The following ABCA1 variants were observed in gnomAD, a reference collection of about 807,000 sequenced individuals.
The protein encoded by ABCA1 is ATP binding cassette subfamily A member 1.
A neutral mutation model predicts 262.5 loss-of-function variants in ABCA1; 133 were observed. That is an observed-to-expected ratio of 0.51 (90% confidence interval 0.44 to 0.59). The LOEUF (loss-of-function observed/expected upper bound fraction) is 0.59. Among genes scored for constraint, ABCA1 ranks in the 20% least tolerant of loss-of-function variants. The pLI is 0.00. For missense variants in ABCA1, 2,452 were observed against 2,777.5 expected, an observed-to-expected ratio of 0.88 and a Z score of 2.63; for synonymous variants, 1,022 against 1,043.5, an observed-to-expected ratio of 0.98 and a Z score of 0.40.
intron 5 of ABCA1, 108 bp downstream of exon 5, chr9:104,882,931 C>A: frequency 8.7e-7 from 1 of 1,152,494 alleles, no homozygotes; most frequent in South Asian, 1.2e-5. Flanking sequence ...AGAAAAACCC[C>A]TTGGGGAAGA....
intron 2 of ABCA1, among the ~76,000 whole-genome samples, chr9:104,900,186 G>A (rs1013366737): frequency 3.3e-5 from 5 of 152,112 alleles, no homozygotes; most frequent in African/African-American, 1.2e-4. Context: ...GCTCCAGGCT[G>A]AACATAGCGT....
rs1829123909 is a variant in ABCA1, at chr9:104,788,517, T to G, written c.5978A>C (p.Gln1993Pro). The change falls in exon 45 of 50, where the codon CAG becomes CCG. Residue 1993 changes from glutamine (Q) to proline (P), a missense_variant. Physicochemically the swap from Gln to Pro is moderately conservative, Grantham distance 76. Transcript: ENST00000374736. ...EVHQNMGYCP[Q>P]FDAITELLTG... Reference sequence around the variant, plus strand: ...CAACAGCTCTGTGATGGCATCAAACTGAGGGCAGTAGCCCATGTTCTGATG... The same window carrying G: ...CAACAGCTCTGTGATGGCATCAAACGGAGGGCAGTAGCCCATGTTCTGATG... 1.2e-6 allele frequency: 2 copies of G among 1,614,088 alleles called. No individual in the cohort carries two copies. Among genetic ancestry groups the G allele is most frequent in the Non-Finnish European group, 8.5e-7 (1 of 1,180,036 alleles).
In ABCA1 at chr9:104,821,453, C is replaced by T; in HGVS notation, c.2882G>A (p.Gly961Glu). The T allele has an allele frequency of 1.2e-6, 2 of 1,614,094 alleles. No individual in the cohort carries two copies. Among genetic ancestry groups the T allele is most frequent in the Non-Finnish European group, 8.5e-7 (1 of 1,180,024 alleles). ...PPTSGTAYIL[G>E]KDIRSEMSTI... ...GCTCATCTCAGAGCGAATGTCTTTT[C>T]CCAGGATGTAGGCGGTGCCCGAGGT... Residue 961 changes from glycine to glutamate, a missense_variant, in exon 20 of 50, where the codon GGA becomes GAA. Around this residue, in one of 4 missense-constraint regions of ABCA1, gnomAD observed 665 missense variants for 727.3 expected, o/e 0.91. Coordinates refer to ENST00000374736, the MANE Select transcript of ABCA1 (RefSeq NM_005502.4).
rs111856857 is a variant in ABCA1 at position 104,784,800 on chromosome 9, T to C, written c.6646-345A>G. 6.9e-3 allele frequency among the ~76,000 whole-genome samples: 1,046 copies of C among 152,154 alleles called. 16 individuals are homozygous for C. Among genetic ancestry groups the C allele is most frequent in the African/African-American group, 0.023 (939 of 41,524 alleles). On this transcript the variant is annotated intron_variant, in intron 49 of 49. Transcript: ENST00000374736. ...CTGGGACTACAAGTGCGCACCACCATGCCCAGCTAATTTTTGTATTTTTAG... is the reference window on the plus strand; with the variant it reads ...CTGGGACTACAAGTGCGCACCACCACGCCCAGCTAATTTTTGTATTTTTAG...
intron 11 of ABCA1, among the ~76,000 whole-genome samples, chr9:104,836,688 T>C (rs1221665632): frequency 7.2e-5 from 11 of 152,030 alleles, no homozygotes; most frequent in Admixed American, 7.2e-4. Context: ...AAAAGGAAAA[T>C]AGGGTACTGC....
chr9:104,909,963 T>G (rs1243202164), intron 1 of ABCA1, among the ~76,000 whole-genome samples: 1 of 152,178 alleles, frequency 6.6e-6, no homozygotes, highest in Non-Finnish European at 1.5e-5. Context: ...GGAAAGAAAG[T>G]GCATGTATCT....
intron 1 of ABCA1, among the ~76,000 whole-genome samples, chr9:104,913,891 C>G (rs939100211): frequency 2.6e-5 from 4 of 152,040 alleles, no homozygotes; most frequent in East Asian, 3.9e-4. Flanking sequence ...CGCCTCCCGG[C>G]TTCACGCCAT....
At chr9:104,858,201 T>A (rs1283356924) in intron 7 of ABCA1, among the ~76,000 whole-genome samples, 1 of 152,030 alleles carries the variant, frequency 6.6e-6, no homozygotes, top group Admixed American at 6.6e-5. Flanking sequence ...TATGAAGAAC[T>A]CTGTTTTCAA....
chr9:104,866,616 G>C (rs1020174416), intron 5 of ABCA1, among the ~76,000 whole-genome samples: 7 of 152,040 alleles, frequency 4.6e-5, no homozygotes, highest in African/African-American at 1.7e-4. Flanking sequence ...CGAGTTGTTG[G>C]GATTACAGGC....
intron 6 of ABCA1, among the ~76,000 whole-genome samples, chr9:104,861,120 C>T (rs1287019731): frequency 1.3e-5 from 2 of 152,124 alleles, no homozygotes; most frequent in Admixed American, 1.3e-4. Context: ...TTCCCCAGTG[C>T]CATCTCACAG....
Position 104,881,563 on chromosome 9 carries a change from TAAG to T in ABCA1, c.421+1473_421+1475del, listed in dbSNP as rs1242118330. Among the ~76,000 whole-genome samples the T allele has an allele frequency of 7.9e-5, 12 of 152,292 alleles. No individual in the cohort carries two copies. The South Asian group carries it at 1.5e-3, about 18-fold the overall frequency. On this transcript the variant is annotated intron_variant, in intron 5 of 49. Transcript: ENST00000374736. ...TTACATGTTTTATCTCATTAACAGG[TAAG>T]AAGAAGTGGCTGAAAGGGTGCTAAC...
intron 1 of ABCA1, among the ~76,000 whole-genome samples, chr9:104,915,820 G>A (rs1255992786): frequency 6.6e-6 from 1 of 152,074 alleles, no homozygotes; most frequent in Non-Finnish European, 1.5e-5. Flanking sequence ...GCAACAACGC[G>A]CTAAGTGTTT....
rs961975717 is a variant in ABCA1 at position 104,898,510 on chromosome 9, GCA to G, written c.66+5102_66+5103del. On this transcript the variant is annotated intron_variant, in intron 2 of 49. Transcript: ENST00000374736. ...TGCAGTGAGCCGAGATTGCTCCACT[GCA>G]CTCCAGCCTGGGCGACAGAACTAGA... Among the ~76,000 whole-genome samples the G allele has an allele frequency of 6.6e-5, 10 of 151,754 alleles. No individual in the cohort carries two copies. In the South Asian group the frequency reaches 8.3e-4, roughly 13 times the overall value.
chr9:104,873,821 G>A (rs983913813), intron 5 of ABCA1, among the ~76,000 whole-genome samples: 3 of 152,282 alleles, frequency 2.0e-5, no homozygotes, highest in East Asian at 1.9e-4. Context: ...CCTGAGGGAG[G>A]TACTATTGTT....
At position 104,817,516 on chromosome 9, in the gene ABCA1, A is replaced by C; in HGVS notation, c.3463-112T>G. On this transcript the variant is annotated intron_variant, in intron 23 of 49. Transcript: ENST00000374736. The surrounding 1 kb of genome is among the most constrained non-coding windows in gnomAD (Gnocchi z 4.7). ...GCTCTGTTGTGTGAGAACTAAAGGA[A>C]AAAGCTTTCCCTGGGACACATGCAC... 1 of 1,185,928 alleles carries C rather than the reference A, an allele frequency of 8.4e-7. No homozygotes were observed. Among genetic ancestry groups the C allele is most frequent in the Non-Finnish European group, 1.2e-6 (1 of 813,540 alleles). The allele number at this position is 1,185,928 out of a possible 1,614,324, so 73.5% of individuals were successfully genotyped here. A position where few individuals can be genotyped will look rare whatever the true frequency, so the allele number is the denominator to read the frequency against.
intron 1 of ABCA1, among the ~76,000 whole-genome samples, chr9:104,908,618 G>C (rs1316315698): frequency 6.6e-6 from 1 of 152,152 alleles, no homozygotes; most frequent in Non-Finnish European, 1.5e-5. Flanking sequence ...CTGAGATCGC[G>C]CTACCGCACT....
In ABCA1 at chr9:104,791,047, G is replaced by A; in HGVS notation, c.5821-19C>T. On this transcript the variant is annotated intron_variant, in intron 43 of 49. Coordinates refer to ENST00000374736, the MANE Select transcript of ABCA1 (RefSeq NM_005502.4). ...CAAAGCACTGAAAAGGAAAGATTAA[G>A]TTGTATAAGCAAACTCTAAAAACAT... is the stretch of plus-strand genomic sequence containing the variant. The A allele has an allele frequency of 6.3e-7, 1 of 1,577,970 alleles. No individual in the cohort carries two copies. Among genetic ancestry groups the A allele is most frequent in the South Asian group, 1.1e-5 (1 of 90,292 alleles).
chr9:104,887,720 T>G (rs1037038532), intron 3 of ABCA1, among the ~76,000 whole-genome samples: 14 of 146,136 alleles, frequency 9.6e-5, no homozygotes, highest in African/African-American at 3.3e-4. Flanking sequence ...TTTCAGTTTA[T>G]GCTTTTTTTT....
Position 104,816,334 on chromosome 9 carries a change from T to C in ABCA1, c.3547A>G (p.Ile1183Val), listed in dbSNP as rs1466062707. The C allele has an allele frequency of 2.5e-6, 4 of 1,613,754 alleles. No homozygotes were observed. Among genetic ancestry groups the C allele is most frequent in the Non-Finnish European group, 3.4e-6 (4 of 1,179,976 alleles). ...SDTLTIDVSA[I>V]SNLIRKHVSE... ...ACATGCTTCCTGATGAGGTTGGAGA[T>C]AGCAGAGACATCTGCAGGGACCAGA... The change falls in exon 25 of 50, where the codon ATC (isoleucine) becomes GTC (valine). Residue 1183 changes from isoleucine (I) to valine (V), a missense_variant. Coordinates refer to ENST00000374736, the MANE Select transcript of ABCA1 (RefSeq NM_005502.4).
Sources: allele counts gnomAD v4.1 joint callset (sites outside exome capture counted in the v4.1 genomes callset), GRCh38; gene constraint gnomAD v4.1.1; regional missense constraint gnomAD v4.1.1; non-coding constraint Gnocchi (gnomAD v3.1); transcripts MANE v1.5; gene names NCBI Gene and HGNC (gene_info 2026-07-23, HGNC 2026-07-21).